The following GRAP2 variants were observed in gnomAD, a reference collection of about 807,000 sequenced individuals.
GRAP2 encodes GRB2-related adapter protein 2.
In GRAP2, 31 loss-of-function variants were observed where a neutral mutation model predicts 43.5. The ratio of observed to expected loss-of-function variants is 0.71; its 90% CI spans 0.54 to 0.96. GRAP2 has a LOEUF of 0.96. Ranked by LOEUF, GRAP2 falls within the 40% of genes least tolerant of loss-of-function variation. The pLI, the probability that GRAP2 is intolerant of heterozygous loss-of-function variation, is 0.00. For missense variants in GRAP2, 371 were observed against 424.4 expected, an observed-to-expected ratio of 0.87 and a Z score of 1.11; for synonymous variants, 156 against 164.8, an observed-to-expected ratio of 0.95 and a Z score of 0.41.
chr22:39,939,362 A>T (rs2066840797), intron 1 of GRAP2, among the ~76,000 whole-genome samples: 1 of 152,124 alleles, frequency 6.6e-6, no homozygotes, highest in Non-Finnish European at 1.5e-5. Context: ...GGAGATCGAG[A>T]CCATCCTGGC....
upstream of GRAP2, among the ~76,000 whole-genome samples, chr22:39,897,256 G>A (rs1481776958): frequency 6.6e-6 from 1 of 152,034 alleles, no homozygotes; most frequent in South Asian, 2.1e-4. Flanking sequence ...CATGAACCTG[G>A]GAGTCACCTT....
intron 1 of GRAP2, among the ~76,000 whole-genome samples, chr22:39,945,989 T>G (rs2066918379): frequency 6.6e-6 from 1 of 152,164 alleles, no homozygotes; most frequent in Admixed American, 6.5e-5. Context: ...GCCTCCCAAG[T>G]AGCTGGGATT....
At chr22:39,953,919 C>G (rs1278865458) in intron 2 of GRAP2, among the ~76,000 whole-genome samples, 1 of 152,144 alleles carries the variant, frequency 6.6e-6, no homozygotes, top group African/African-American at 2.4e-5. Context: ...AGCCAGAGCT[C>G]TTTCTGAACT....
At chr22:39,942,613 C>T (rs1298701881) in intron 1 of GRAP2, among the ~76,000 whole-genome samples, 1 of 149,202 alleles carries the variant, frequency 6.7e-6, no homozygotes, top group African/African-American at 2.5e-5. Flanking sequence ...AGTGAGACCC[C>T]GATCTCTACC....
chr22:39,910,808 C>A (rs1411006783), intron 1 of GRAP2, among the ~76,000 whole-genome samples: 1 of 151,894 alleles, frequency 6.6e-6, no homozygotes, highest in Non-Finnish European at 1.5e-5. Context: ...TTCACTCGAT[C>A]ATTTTGATAA....
chr22:39,922,764 C>T (rs2066663734), intron 1 of GRAP2, among the ~76,000 whole-genome samples: 1 of 152,110 alleles, frequency 6.6e-6, no homozygotes, highest in Non-Finnish European at 1.5e-5. Flanking sequence ...ATATTTAGGC[C>T]AGGTGCGGTG....
intron 1 of GRAP2, among the ~76,000 whole-genome samples, chr22:39,916,786 A>G (rs2066606527): frequency 6.6e-6 from 1 of 152,228 alleles, no homozygotes; most frequent in Admixed American, 6.5e-5. Flanking sequence ...AGCACATTAA[A>G]AACAAATCCT....
chr22:39,958,795 G>GGT (rs1200412521), intron 3 of GRAP2, among the ~76,000 whole-genome samples: 5 of 152,176 alleles, frequency 3.3e-5, no homozygotes, highest in African/African-American at 1.2e-4. Flanking sequence ...ACGTGGCAGT[G>GGT]GTGTGTGTGG....
intron 1 of GRAP2, among the ~76,000 whole-genome samples, chr22:39,912,378 A>G (rs369369062): frequency 6.6e-6 from 1 of 152,222 alleles, no homozygotes; most frequent in Non-Finnish European, 1.5e-5. Context: ...TGACTGAGAT[A>G]CTGTACTCCA....
chr22:39,905,008 C>G lies in GRAP2; in HGVS notation c.-15+3678C>G, dbSNP rs539979022. On this transcript the variant is annotated intron_variant, in intron 1 of 7. Coordinates refer to ENST00000344138, the MANE Select transcript of GRAP2 (RefSeq NM_004810.4). ...CTGGGTGCTCCATATTGCATCTTAT[C>G]AGGAGGTACAGAATGCCAGGTTGTT... is the stretch of plus-strand genomic sequence containing the variant. Among the ~76,000 whole-genome samples, 78 of 152,260 alleles carry G rather than the reference C, an allele frequency of 5.1e-4. No homozygotes were observed. In the Middle Eastern group the frequency reaches 0.017, roughly 33 times the overall value.
intron 1 of GRAP2, among the ~76,000 whole-genome samples, chr22:39,918,182 T>A (rs1194691815): frequency 6.6e-6 from 1 of 152,190 alleles, no homozygotes; most frequent in Admixed American, 6.5e-5. Flanking sequence ...TTCCCGCATC[T>A]CTTCTACTGG....
upstream of GRAP2, among the ~76,000 whole-genome samples, chr22:39,900,532 T>G (rs1403246626): frequency 6.6e-6 from 1 of 152,094 alleles, no homozygotes; most frequent in Admixed American, 6.5e-5. Context: ...GTAACAAAAC[T>G]CAAGGTCAAT....
At chr22:39,943,484 G>T (rs1332296651) in intron 1 of GRAP2, among the ~76,000 whole-genome samples, 1 of 152,076 alleles carries the variant, frequency 6.6e-6, no homozygotes, top group Non-Finnish European at 1.5e-5. Context: ...GGTGCAGAGG[G>T]CTGGTGAGAA....
intron 6 of GRAP2, 25 bp downstream of exon 6, chr22:39,968,297 A>G (rs769333484): frequency 1.9e-6 from 3 of 1,610,346 alleles, no homozygotes; most frequent in Non-Finnish European, 2.5e-6. Flanking sequence ...GGCAGTGGGC[A>G]CAGTACGGTG....
intron 5 of GRAP2, among the ~76,000 whole-genome samples, 178 bp downstream of exon 5, chr22:39,966,336 G>C (rs951292637): frequency 6.6e-6 from 1 of 152,192 alleles, no homozygotes. Flanking sequence ...ACTTTGGAAA[G>C]TTCTCTGCGC....
intron 1 of GRAP2, among the ~76,000 whole-genome samples, chr22:39,909,803 T>C (rs955864565): frequency 2.6e-5 from 4 of 152,188 alleles, no homozygotes; most frequent in African/African-American, 7.2e-5. Context: ...ATCTGTAGGC[T>C]GAGAGAGATG....
chr22:39,956,028 A>G (rs1013183856), intron 3 of GRAP2, 118 bp downstream of exon 3: 2 of 657,686 alleles, frequency 3.0e-6, no homozygotes, highest in Non-Finnish European at 5.7e-6. Flanking sequence ...CTGCCTCTGG[A>G]GCTCTCTCCG....
upstream of GRAP2, among the ~76,000 whole-genome samples, chr22:39,897,884 C>A (rs2066472291): frequency 6.6e-6 from 1 of 152,142 alleles, no homozygotes; most frequent in South Asian, 2.1e-4. Flanking sequence ...AATTTCAGCA[C>A]AACAGCCAGA....
At position 39,965,954 on chromosome 22, in the gene GRAP2, G is replaced by A. The variant is rs372514119; in HGVS notation, c.291-36G>A. ...GCCTGGAGGTGGTGACATTATCACC[G>A]TGTAACATACAATTTTGTTTTGCCT... On this transcript the variant is annotated intron_variant, in intron 4 of 7. Transcript: ENST00000344138. The A allele has an allele frequency of 5.6e-5, 89 of 1,576,208 alleles. No individual in the cohort carries two copies. In the East Asian group the frequency reaches 1.0e-3, roughly 18 times the overall value.
Sources: allele counts gnomAD v4.1 joint callset (sites outside exome capture counted in the v4.1 genomes callset), GRCh38; gene constraint gnomAD v4.1.1; transcripts MANE v1.5; gene names NCBI Gene and HGNC (gene_info 2026-07-23, HGNC 2026-07-21).